SSPN: variants seen among roughly 807,000 people sequenced by gnomAD.
SSPN encodes the protein K-ras oncogene-associated protein.
SSPN carries 15 observed loss-of-function variants against 19.1 expected under a neutral mutation model. The ratio of observed to expected loss-of-function variants is 0.78; its 90% CI spans 0.52 to 1.21. The LOEUF (loss-of-function observed/expected upper bound fraction) is 1.21, where lower values mean the gene tolerates loss of function less well. Among genes scored for constraint, SSPN ranks in the 50% most tolerant of loss-of-function variants. The pLI is 0.00. For missense variants in SSPN, 291 were observed against 314.0 expected (o/e 0.93, Z 0.55); for synonymous variants, 147 against 140.3 (o/e 1.05, Z -0.34).
upstream of SSPN, chr12:26,195,437 G>T (rs1944817020): frequency 3.0e-6 from 2 of 665,516 alleles, no homozygotes; most frequent in Non-Finnish European, 2.1e-6. Flanking sequence ...TCCTGCCCGG[G>T]GCCCGGCAGG....
chr12:26,201,048 A>ATATATATATATATATATATATATAT (rs1944880110), intron 1 of SSPN, among the ~76,000 whole-genome samples: 1 of 68,334 alleles, frequency 1.5e-5, no homozygotes, highest in African/African-American at 6.4e-5. Flanking sequence ...TATATATATT[A>ATATATATATATATATATATATATAT]TATATATATA....
chr12:26,221,704 A>G (rs777546688), intron 1 of SSPN, among the ~76,000 whole-genome samples: 3 of 152,184 alleles, frequency 2.0e-5, no homozygotes, highest in Admixed American at 6.5e-5. Context: ...TATGGAGACA[A>G]AGAGGAAAGT....
intron 1 of SSPN, among the ~76,000 whole-genome samples, chr12:26,164,531 C>T (rs1944609267): frequency 6.6e-6 from 1 of 152,202 alleles, no homozygotes; most frequent in Non-Finnish European, 1.5e-5. Context: ...CAGAGCCAGA[C>T]TCTTTCTCTA....
At chr12:26,144,320 T>C (rs1267788326) in intron 1 of SSPN, among the ~76,000 whole-genome samples, 3 of 152,192 alleles carry the variant, frequency 2.0e-5, no homozygotes, top group Non-Finnish European at 4.4e-5. Context: ...AATCAAATGC[T>C]GGCCACCAGG....
intron 1 of SSPN, among the ~76,000 whole-genome samples, chr12:26,174,515 T>TCCTTCCTTCCCTTCCTG (rs1565678373): frequency 7.0e-6 from 1 of 142,560 alleles, no homozygotes; most frequent in African/African-American, 2.6e-5. Flanking sequence ...CTTCCTTCCT[T>TCCTTCCTTCCCTTCCTG]CCTTCCTTCC....
chr12:26,129,966 C>A (rs1165717983), intron 1 of SSPN, among the ~76,000 whole-genome samples: 1 of 152,160 alleles, frequency 6.6e-6, no homozygotes, highest in Non-Finnish European at 1.5e-5. Flanking sequence ...GAGCCAAGCC[C>A]AAAGACCACA....
intron 1 of SSPN, among the ~76,000 whole-genome samples, chr12:26,151,388 A>G (rs1213854032): frequency 6.6e-6 from 1 of 152,184 alleles, no homozygotes; most frequent in Non-Finnish European, 1.5e-5. Flanking sequence ...CCATAAAAAA[A>G]AAATCACATG....
intron 1 of SSPN, among the ~76,000 whole-genome samples, chr12:26,175,234 G>A (rs1420424859): frequency 1.3e-5 from 2 of 152,140 alleles, no homozygotes; most frequent in Non-Finnish European, 2.9e-5. Flanking sequence ...TTCAATTTTA[G>A]CTATTCCCAT....
intron 1 of SSPN, chr12:26,123,545 G>C (rs1039807669): frequency 2.2e-6 from 2 of 927,816 alleles, no homozygotes; most frequent in African/African-American, 3.2e-5. Context: ...AAAGAGATGG[G>C]GTGCGGGTGA....
intron 1 of SSPN, among the ~76,000 whole-genome samples, chr12:26,146,800 C>T (rs182486979): frequency 4.5e-5 from 4 of 87,962 alleles, no homozygotes; most frequent in East Asian, 4.6e-4. Context: ...CCAGCCTGGG[C>T]GACAGAGCAA....
intron 1 of SSPN, among the ~76,000 whole-genome samples, chr12:26,154,465 T>C (rs965589487): frequency 1.3e-5 from 2 of 152,106 alleles, no homozygotes; most frequent in Non-Finnish European, 2.9e-5. Context: ...TCTGTAGAGT[T>C]TCAGGGGGAT....
chr12:26,176,639 A>G (rs867548211), intron 1 of SSPN, among the ~76,000 whole-genome samples: 7 of 152,196 alleles, frequency 4.6e-5, no homozygotes, highest in African/African-American at 1.7e-4. Context: ...TGCACCAATT[A>G]AAAATATTCT....
chr12:26,161,603 C>T (rs757934671), intron 1 of SSPN, among the ~76,000 whole-genome samples: 18 of 152,268 alleles, frequency 1.2e-4, no homozygotes, highest in South Asian at 8.3e-4. Context: ...TTGTTAGCAT[C>T]CCCAAATTAA....
intron 1 of SSPN, among the ~76,000 whole-genome samples, chr12:26,142,270 A>G (rs902041005): frequency 6.6e-6 from 1 of 152,208 alleles, no homozygotes; most frequent in Admixed American, 6.5e-5. Flanking sequence ...TGTTGATAGT[A>G]TATTGAAGGG....
chr12:26,185,196 C>T (rs1423783465), intron 1 of SSPN, among the ~76,000 whole-genome samples: 1 of 152,180 alleles, frequency 6.6e-6, no homozygotes, highest in Admixed American at 6.5e-5. Context: ...GCCTGTATAG[C>T]ATTCTTTCTT....
chr12:26,227,038 C>A (rs1295454431), intron 2 of SSPN, among the ~76,000 whole-genome samples: 1 of 152,046 alleles, frequency 6.6e-6, no homozygotes, highest in Non-Finnish European at 1.5e-5. Flanking sequence ...GGGCTGACAC[C>A]CGCAAGACAG....
intron 1 of SSPN, among the ~76,000 whole-genome samples, chr12:26,169,593 A>ATT (rs558232172): frequency 8.3e-6 from 1 of 120,596 alleles, no homozygotes; most frequent in African/African-American, 2.8e-5. Flanking sequence ...ATATATATAT[A>ATT]TTTTTTTTTC....
intron 1 of SSPN, among the ~76,000 whole-genome samples, chr12:26,137,656 A>ATATATATT (rs1377562695): frequency 3.7e-4 from 28 of 76,440 alleles, no homozygotes; most frequent in Non-Finnish European, 5.4e-4. Flanking sequence ...ATATATATAT[A>ATATATATT]TTTTTTTTTT....
chr12:26,186,097 G>T (rs958395563), intron 1 of SSPN, among the ~76,000 whole-genome samples: 16 of 152,220 alleles, frequency 1.1e-4, no homozygotes, highest in African/African-American at 3.9e-4. Context: ...GCTTCCTTTT[G>T]CCTTAAGGGA....
Sources: allele counts gnomAD v4.1 joint callset (sites outside exome capture counted in the v4.1 genomes callset), GRCh38; gene constraint gnomAD v4.1.1; transcripts MANE v1.5; gene names NCBI Gene and HGNC (gene_info 2026-07-23, HGNC 2026-07-21).